The following APAF1 variants were observed in gnomAD, a reference collection of about 807,000 sequenced individuals.
The protein encoded by APAF1 is apoptotic peptidase activating factor 1.
APAF1 carries 91 observed loss-of-function variants against 152.4 expected under a neutral mutation model. The ratio of observed to expected loss-of-function variants is 0.60; its 90% CI spans 0.50 to 0.71. The LOEUF (loss-of-function observed/expected upper bound fraction) is 0.71. Ranked by LOEUF, APAF1 falls within the 30% of genes least tolerant of loss-of-function variation. The probability of loss-of-function intolerance (pLI) is 0.00; values close to 1 mark genes in which losing one functional copy is unlikely to be tolerated. For missense variants in APAF1, 1,283 were observed against 1,472.0 expected, an observed-to-expected ratio of 0.87 and a Z score of 2.10; for synonymous variants, 484 against 494.1, an observed-to-expected ratio of 0.98 and a Z score of 0.27.
chr12:98,729,060 A>G (rs996509463), intron 26 of APAF1, among the ~76,000 whole-genome samples: 42 of 152,272 alleles, frequency 2.8e-4, no homozygotes, highest in Non-Finnish European at 1.9e-4. Context: ...TAAAGTCCCT[A>G]AAGTTTAGAA....
chr12:98,665,838 G>C (rs1208302799), intron 8 of APAF1, 47 bp downstream of exon 8: 1 of 1,441,298 alleles, frequency 6.9e-7, no homozygotes, highest in South Asian at 1.1e-5. Flanking sequence ...TTGCATGTAA[G>C]CTTTGATATA....
intron 7 of APAF1, among the ~76,000 whole-genome samples, chr12:98,663,623 A>G (rs1317730261): frequency 6.6e-6 from 1 of 151,976 alleles, no homozygotes; most frequent in Non-Finnish European, 1.5e-5. Flanking sequence ...TTCTTTCATT[A>G]TTGTTATGCT....
intron 21 of APAF1, among the ~76,000 whole-genome samples, chr12:98,714,052 T>C (rs2097731139): frequency 6.6e-6 from 1 of 152,218 alleles, no homozygotes; most frequent in Admixed American, 6.5e-5. Context: ...AAGGGATAAT[T>C]GTATGTTTAC....
chr12:98,735,050 C>A lies in APAF1; in HGVS notation c.*2484C>A, dbSNP rs1254217196. 2.5e-6 allele frequency: 1 copy of A among 393,800 alleles called. No individual in the cohort carries two copies. Among genetic ancestry groups the A allele is most frequent in the Non-Finnish European group, 4.5e-6 (1 of 223,642 alleles). 24.4% of individuals were successfully genotyped at this position (393,800 alleles called of 1,614,324 possible). ...ATTCCTTGAGCCCTGGAGTTTGAGT[C>A]CAGCCTGGGTGACATAGCAAGACCC... On this transcript the variant is annotated 3_prime_UTR_variant, in exon 27 of 27. Transcript: ENST00000551964.
chr12:98,728,651 G>T (rs927897832), intron 26 of APAF1, among the ~76,000 whole-genome samples: 2 of 152,154 alleles, frequency 1.3e-5, no homozygotes, highest in Non-Finnish European at 2.9e-5. Flanking sequence ...AACCCCGGGG[G>T]AGCAGAAGTT....
intron 16 of APAF1, among the ~76,000 whole-genome samples, chr12:98,690,980 G>T (rs2097703533): frequency 6.6e-6 from 1 of 152,070 alleles, no homozygotes; most frequent in South Asian, 2.1e-4. Context: ...AGGCCGAGGT[G>T]GGCGGATCAT....
At chr12:98,721,294 T>C (rs1261371414) in intron 22 of APAF1, among the ~76,000 whole-genome samples, 1 of 152,218 alleles carries the variant, frequency 6.6e-6, no homozygotes, top group East Asian at 1.9e-4. Flanking sequence ...TTATATCTGC[T>C]CCAGAAGGCT....
intron 11 of APAF1, 105 bp downstream of exon 11, chr12:98,671,191 G>GA (rs2097679689): frequency 9.1e-6 from 7 of 772,370 alleles, no homozygotes; most frequent in Admixed American, 2.5e-5. Flanking sequence ...AAGGGGTGAA[G>GA]ATAATTTCCC....
At chr12:98,665,453 C>T (rs531658812) in intron 7 of APAF1, 100 bp from the exon 8 acceptor site, 1 of 836,704 alleles carries the variant, frequency 1.2e-6, no homozygotes, top group South Asian at 1.4e-5. Flanking sequence ...TGATAACATG[C>T]AGCAGAAATT....
intron 17 of APAF1, among the ~76,000 whole-genome samples, chr12:98,702,227 G>T (rs1221258824): frequency 6.6e-6 from 1 of 151,978 alleles, no homozygotes; most frequent in South Asian, 2.1e-4. Flanking sequence ...CACCGCGCCC[G>T]GCTAATTTTT....
intron 5 of APAF1, among the ~76,000 whole-genome samples, chr12:98,659,772 AGAG>A (rs1335040686): frequency 3.0e-5 from 4 of 133,254 alleles, no homozygotes; most frequent in South Asian, 2.3e-4. Flanking sequence ...AAAAAAAAAA[AGAG>A]AGAGAAAGAA....
At position 98,645,363 on chromosome 12, in the gene APAF1, G is replaced by C. The variant is rs2097638412; in HGVS notation, c.-514G>C. On this transcript the variant is annotated 5_prime_UTR_variant, in exon 1 of 27. Coordinates refer to ENST00000551964, the MANE Select transcript of APAF1 (RefSeq NM_181861.2). ...GGCAAAAGGGATAGAACCAGAGGTG[G>C]GGAGTCTGGGCAGTCGGCGACCCGC... 1 of 152,296 alleles carries C rather than the reference G, an allele frequency of 6.6e-6. No homozygotes were observed. Among genetic ancestry groups the C allele is most frequent in the African/African-American group, 2.4e-5 (1 of 41,460 alleles). The allele number at this position is 152,296 out of a possible 1,614,324, so 9.4% of individuals were successfully genotyped here. A position where few individuals can be genotyped will look rare whatever the true frequency, so the allele number is the denominator to read the frequency against.
In APAF1 at chr12:98,659,143, A is replaced by T; in HGVS notation, c.527-17A>T. The T allele has an allele frequency of 1.2e-6, 2 of 1,613,804 alleles. No homozygotes were observed. Among genetic ancestry groups the T allele is most frequent in the South Asian group, 2.2e-5 (2 of 91,082 alleles). ...CCTGTTGAAAGGCCTTAAGTTCATT[A>T]TTCTTTCCCTCACTAGGTTGTTTCC... On this transcript the variant is annotated splice_polypyrimidine_tract_variant and intron_variant, in intron 4 of 26. Transcript: ENST00000551964.
Position 98,733,482 on chromosome 12 carries a change from G to A in APAF1, c.*916G>A, listed in dbSNP as rs1406837862. 1 of 151,972 alleles carries A rather than the reference G, an allele frequency of 6.6e-6. No homozygotes were observed. Among genetic ancestry groups the A allele is most frequent in the Non-Finnish European group, 1.5e-5 (1 of 68,246 alleles). The allele number at this position is 151,972 out of a possible 1,614,324, so 9.4% of individuals were successfully genotyped here. Reference sequence around the variant, plus strand: ...GGGTCTTGCACTATCACCCAGGCTGGAGTGCAGTGGCATAATCATACCTCA... The same window carrying A: ...GGGTCTTGCACTATCACCCAGGCTGAAGTGCAGTGGCATAATCATACCTCA... On this transcript the variant is annotated 3_prime_UTR_variant, in exon 27 of 27. Coordinates refer to ENST00000551964, the MANE Select transcript of APAF1 (RefSeq NM_181861.2).
intron 16 of APAF1, among the ~76,000 whole-genome samples, chr12:98,695,140 C>T (rs900344964): frequency 1.3e-5 from 2 of 151,928 alleles, no homozygotes; most frequent in Non-Finnish European, 2.9e-5. Context: ...ACAACCTCTG[C>T]CTTTTGGGTT....
chr12:98,693,437 G>GTT lies in APAF1; in HGVS notation c.2305-5969_2305-5968dup, dbSNP rs987561058. Among the ~76,000 whole-genome samples the GTT allele has an allele frequency of 9.9e-5, 15 of 152,086 alleles. 1 individual carries two copies. The highest frequency in any genetic ancestry group is 3.1e-4 in the African/African-American group (13 of 41,466). ...GATTTTGATTAGAACAGTGTTCAGG[G>GTT]TTTACATCATTGTAACTAATCACAA... is the stretch of plus-strand genomic sequence containing the variant. On this transcript the variant is annotated intron_variant, in intron 16 of 26. Coordinates refer to ENST00000551964, the MANE Select transcript of APAF1 (RefSeq NM_181861.2).
rs1211159304 is a variant in APAF1, at chr12:98,649,654, G to A, written c.496G>A (p.Glu166Lys). The change falls in exon 4 of 27, where the codon GAA becomes AAA. Residue 166 changes from glutamate to lysine, a missense_variant. By Grantham distance (56) the Glu-to-Lys change is moderately conservative. Transcript: ENST00000551964. ...CTGTGGGAAGTCTGTATTAGCTGCAGAAGCTGTTAGAGATCATTCCCTTTT... is the reference window on the plus strand; with the variant it reads ...CTGTGGGAAGTCTGTATTAGCTGCAAAAGCTGTTAGAGATCATTCCCTTTT... ...AGCGKSVLAA[E>K]AVRDHSLLEG... The A allele has an allele frequency of 1.9e-6, 3 of 1,613,958 alleles. No homozygotes were observed. Among genetic ancestry groups the A allele is most frequent in the Non-Finnish European group, 2.5e-6 (3 of 1,179,974 alleles).
intron 16 of APAF1, among the ~76,000 whole-genome samples, chr12:98,690,827 A>G (rs1290927735): frequency 6.6e-6 from 1 of 152,172 alleles, no homozygotes; most frequent in Non-Finnish European, 1.5e-5. Context: ...GATTAAAACC[A>G]TCCACCAAGA....
chr12:98,699,363 A>G (rs1445669367), intron 16 of APAF1, 45 bp from the exon 17 acceptor site: 3 of 1,578,476 alleles, frequency 1.9e-6, no homozygotes, highest in African/African-American at 2.7e-5. Context: ...AAGTGTGATT[A>G]TAGAGTAAAA....
Sources: gnomAD v4.1 joint callset for allele counts (sites outside exome capture counted in the v4.1 genomes callset) on GRCh38, gnomAD v4.1.1 for gene constraint, MANE v1.5 for transcripts, NCBI Gene and HGNC (gene_info 2026-07-23, HGNC 2026-07-21) for gene names.